Variants in CTNNA3 observed in about 807,000 individuals in gnomAD.
CTNNA3 encodes catenin alpha 3.
CTNNA3 carries 76 observed loss-of-function variants against 95.7 expected under a neutral mutation model. The observed-to-expected ratio is 0.79, with a 90% CI of 0.66 to 0.96. The LOEUF (loss-of-function observed/expected upper bound fraction) is 0.96, where lower values mean the gene tolerates loss of function less well. Among genes scored for constraint, CTNNA3 ranks in the 40% least tolerant of loss-of-function variants. The pLI is 0.00. For missense variants in CTNNA3, 1,191 were observed against 1,089.8 expected (o/e 1.09, Z -1.31); for synonymous variants, 431 against 374.4 (o/e 1.15, Z -1.74).
intron 7 of CTNNA3, among the ~76,000 whole-genome samples, chr10:67,074,921 C>T (rs564376542): frequency 6.6e-6 from 1 of 152,240 alleles, no homozygotes; most frequent in African/African-American, 2.4e-5. Flanking sequence ...AACACACAGA[C>T]ATCATGCTGA....
At chr10:67,579,850 T>A (rs1589448886) in intron 3 of CTNNA3, among the ~76,000 whole-genome samples, 1 of 152,240 alleles carries the variant, frequency 6.6e-6, no homozygotes, top group South Asian at 2.1e-4. Flanking sequence ...CATAAATGTC[T>A]TCTTTTGAGA....
intron 7 of CTNNA3, among the ~76,000 whole-genome samples, chr10:67,024,106 A>G (rs1438961439): frequency 1.3e-5 from 2 of 152,236 alleles, no homozygotes; most frequent in Non-Finnish European, 2.9e-5. Context: ...TCAAGTCAGC[A>G]GGACTGTGTT....
chr10:66,501,389 C>G (rs913942654), intron 11 of CTNNA3, among the ~76,000 whole-genome samples: 1 of 152,106 alleles, frequency 6.6e-6, no homozygotes. Flanking sequence ...GCCTTGGTGT[C>G]TTTCCCAACA....
At chr10:66,216,825 C>T (rs924421237) in intron 13 of CTNNA3, among the ~76,000 whole-genome samples, 1 of 152,138 alleles carries the variant, frequency 6.6e-6, no homozygotes, top group African/African-American at 2.4e-5. Flanking sequence ...AATATAAATA[C>T]CAGGAAGTTG....
chr10:66,180,177 C>G (rs2085966153), intron 13 of CTNNA3, among the ~76,000 whole-genome samples: 1 of 152,112 alleles, frequency 6.6e-6, no homozygotes, highest in South Asian at 2.1e-4. Flanking sequence ...AAACACACTT[C>G]TAATTTCTGC....
At chr10:65,989,612 G>GT (rs71035103) in intron 15 of CTNNA3, among the ~76,000 whole-genome samples, 32,595 of 151,822 alleles carry the variant, frequency 0.21, 3,972 homozygotes, top group Middle Eastern at 0.35. Flanking sequence ...TTTTTATGGG[G>GT]TACATGTATT....
intron 7 of CTNNA3, among the ~76,000 whole-genome samples, chr10:66,875,368 T>C (rs1481395529): frequency 6.7e-6 from 1 of 149,510 alleles, no homozygotes; most frequent in Non-Finnish European, 1.5e-5. Context: ...GTCCATTTTG[T>C]CACTTTTGCT....
intron 15 of CTNNA3, among the ~76,000 whole-genome samples, chr10:66,026,504 C>A (rs1434839986): frequency 6.6e-6 from 1 of 152,106 alleles, no homozygotes; most frequent in Non-Finnish European, 1.5e-5. Context: ...TCAGGAACAT[C>A]TGCAGAACAA....
chr10:67,599,404 A>C (rs990792667), intron 3 of CTNNA3, among the ~76,000 whole-genome samples: 3 of 152,230 alleles, frequency 2.0e-5, no homozygotes, highest in Non-Finnish European at 4.4e-5. Context: ...ATAGTAAAAG[A>C]AAAATCAGTC....
At chr10:66,963,952 T>C (rs1353908182) in intron 7 of CTNNA3, among the ~76,000 whole-genome samples, 1 of 151,936 alleles carries the variant, frequency 6.6e-6, no homozygotes, top group Non-Finnish European at 1.5e-5. Flanking sequence ...AAGCAAGCAA[T>C]TCTCCTGTCT....
At chr10:65,945,142 A>ATGTGTG (rs71474003) in intron 17 of CTNNA3, among the ~76,000 whole-genome samples, 9 of 149,100 alleles carry the variant, frequency 6.0e-5, no homozygotes, top group Admixed American at 2.7e-4. Context: ...TCTTCTATAA[A>ATGTGTG]TGTGTGTGTG....
chr10:66,871,058 T>TGGCTCTGCTGGTTTTGTTC (rs1400050999), intron 7 of CTNNA3, among the ~76,000 whole-genome samples: 5 of 152,238 alleles, frequency 3.3e-5, no homozygotes, highest in Non-Finnish European at 7.3e-5. Flanking sequence ...CTGGTTTGTT[T>TGGCTCTGCTGGTTTTGTTC]TGCTCTGCTG....
intron 9 of CTNNA3, among the ~76,000 whole-genome samples, chr10:66,721,311 G>C (rs1169979429): frequency 6.6e-6 from 1 of 152,142 alleles, no homozygotes; most frequent in Non-Finnish European, 1.5e-5. Context: ...ACCCCAGAAG[G>C]TGTGCAAGAT....
At chr10:66,808,719 T>C (rs1841757821) in intron 7 of CTNNA3, among the ~76,000 whole-genome samples, 1 of 152,182 alleles carries the variant, frequency 6.6e-6, no homozygotes. Flanking sequence ...CTGTATATGC[T>C]ACCAATCCAA....
At chr10:67,394,098 C>T (rs1327681474) in intron 5 of CTNNA3, among the ~76,000 whole-genome samples, 4 of 152,120 alleles carry the variant, frequency 2.6e-5, no homozygotes, top group South Asian at 2.1e-4. Context: ...TATGGACTAA[C>T]TTAATTATGA....
intron 12 of CTNNA3, among the ~76,000 whole-genome samples, chr10:66,378,415 A>G (rs759854059): frequency 2.6e-5 from 4 of 152,166 alleles, no homozygotes; most frequent in Non-Finnish European, 4.4e-5. Flanking sequence ...GGATTTCACA[A>G]ATTCACAAAG....
At chr10:66,447,130 G>A (rs1374588127) in intron 11 of CTNNA3, among the ~76,000 whole-genome samples, 25 of 151,712 alleles carry the variant, frequency 1.6e-4, no homozygotes, top group South Asian at 1.5e-3. Context: ...GATGTGAAGG[G>A]CCTCTTCAAG....
intron 5 of CTNNA3, among the ~76,000 whole-genome samples, chr10:67,403,587 C>G (rs1440942294): frequency 3.3e-5 from 5 of 152,180 alleles, no homozygotes; most frequent in Admixed American, 3.3e-4. Context: ...CCCAGGGGGC[C>G]AGGTGGGCTG....
intron 15 of CTNNA3, among the ~76,000 whole-genome samples, chr10:66,067,900 A>G (rs1162132621): frequency 6.6e-6 from 1 of 152,090 alleles, no homozygotes; most frequent in African/African-American, 2.4e-5. Flanking sequence ...TGGATGACAG[A>G]GCGAGACTCC....
Sources: gnomAD v4.1 joint callset for allele counts (sites outside exome capture counted in the v4.1 genomes callset) on GRCh38, gnomAD v4.1.1 for gene constraint, MANE v1.5 for transcripts, NCBI Gene and HGNC (gene_info 2026-07-23, HGNC 2026-07-21) for gene names.